The following ULK4 variants were observed in gnomAD, a reference collection of about 807,000 sequenced individuals.
ULK4 encodes inactive serine/threonine-protein kinase ULK4.
Under a neutral mutation model 160.6 loss-of-function variants are expected in ULK4, and 133 were observed. The observed-to-expected ratio is 0.83, with a 90% CI of 0.72 to 0.96. The LOEUF is 0.96. ULK4 is among the 40% of genes least tolerant of loss of function. The pLI, the probability that ULK4 is intolerant of heterozygous loss-of-function variation, is 0.00. For missense variants in ULK4, 1,580 were observed against 1,499.5 expected (o/e 1.05, Z -0.89); for synonymous variants, 534 against 539.8 (o/e 0.99, Z 0.15).
chr3:41,904,697 A>G lies in ULK4; in HGVS notation c.1182+3148T>C, dbSNP rs567686714. Among the ~76,000 whole-genome samples the G allele has an allele frequency of 5.3e-5, 8 of 152,334 alleles. No individual in the cohort carries two copies. In the East Asian group the frequency reaches 1.5e-3, roughly 29 times the overall value. On this transcript the variant is annotated intron_variant, in intron 12 of 36. Transcript: ENST00000301831. ...AAATTTCAAAGCAGAAATAAGCTTC[A>G]CATGGTCCAAATACACTTCACATTA...
intron 29 of ULK4, among the ~76,000 whole-genome samples, chr3:41,664,462 T>C (rs2035288629): frequency 6.6e-6 from 1 of 152,032 alleles, no homozygotes; most frequent in South Asian, 2.1e-4. Context: ...ATGCAGCACG[T>C]GTGTGTGATG....
At chr3:41,620,321 A>T (rs938495739) in intron 30 of ULK4, among the ~76,000 whole-genome samples, 5 of 152,134 alleles carry the variant, frequency 3.3e-5, no homozygotes, top group East Asian at 1.9e-4. Flanking sequence ...AACAACAAAA[A>T]ATTTCAGGTC....
intron 35 of ULK4, among the ~76,000 whole-genome samples, chr3:41,298,290 T>C (rs978873452): frequency 6.6e-6 from 1 of 152,230 alleles, no homozygotes; most frequent in African/African-American, 2.4e-5. Flanking sequence ...AGAGATAACA[T>C]TGGGATTCAA....
Position 41,338,725 on chromosome 3 carries a change from A to ATG in ULK4, c.3678+59352_3678+59353dup, listed in dbSNP as rs577471080. Among the ~76,000 whole-genome samples, 639 of 151,844 alleles carry ATG rather than the reference A, an allele frequency of 4.2e-3. 8 individuals are homozygous for ATG. Among genetic ancestry groups the ATG allele is most frequent in the African/African-American group, 0.014 (593 of 41,378 alleles). ...CTAGTAGGATAATGTGCACATATAT[A>ATG]TGTGTGTGTGTGTATAATACATCTA... On this transcript the variant is annotated intron_variant, in intron 35 of 36. Coordinates refer to ENST00000301831, the MANE Select transcript of ULK4 (RefSeq NM_017886.4).
At position 41,935,833 on chromosome 3, in the gene ULK4, C is replaced by CA. The variant is rs745648760; in HGVS notation, c.345dup (p.Gly116TrpfsTer6). On this transcript the variant is annotated frameshift_variant, in exon 4 of 37. Transcript: ENST00000301831. LOFTEE classifies it high-confidence loss of function. ...GGAGAAATGTCACAAAAGAGAATGCCAAGTTTATGAAGATGATGTAATCCA... is the reference window on the plus strand; with the variant it reads ...GGAGAAATGTCACAAAAGAGAATGCCAAAGTTTATGAAGATGATGTAATCCA... The CA allele has an allele frequency of 6.2e-7, 1 of 1,611,088 alleles. No homozygotes were observed. The highest frequency in any genetic ancestry group is 1.3e-5 in the African/African-American group (1 of 74,770).
rs369524790 is a variant in ULK4, at chr3:41,378,761, C to G, written c.3678+19318G>C. 1.3e-4 allele frequency among the ~76,000 whole-genome samples: 20 copies of G among 150,904 alleles called. No individual in the cohort carries two copies. The East Asian group carries it at 1.8e-3, about 13-fold the overall frequency. Reference sequence around the variant, plus strand: ...AAACCTGCACGTTGTGCACATGTACCCTAGAACTTAAAGTATAATAAATAA... The same window carrying G: ...AAACCTGCACGTTGTGCACATGTACGCTAGAACTTAAAGTATAATAAATAA... On this transcript the variant is annotated intron_variant, in intron 35 of 36. Transcript: ENST00000301831.
intron 32 of ULK4, among the ~76,000 whole-genome samples, chr3:41,474,373 A>G (rs2084079943): frequency 6.6e-6 from 1 of 152,170 alleles, no homozygotes; most frequent in African/African-American, 2.4e-5. Context: ...TGGATTAAAG[A>G]CTCAGACATA....
chr3:41,648,448 A>G (rs1317303498), intron 30 of ULK4, among the ~76,000 whole-genome samples: 2 of 152,252 alleles, frequency 1.3e-5, no homozygotes, highest in Admixed American at 1.3e-4. Context: ...GCCTTAGGAC[A>G]ATGTTAGTCA....
At chr3:41,924,835 C>G (rs1334327749) in intron 5 of ULK4, among the ~76,000 whole-genome samples, 1 of 152,082 alleles carries the variant, frequency 6.6e-6, no homozygotes, top group Non-Finnish European at 1.5e-5. Flanking sequence ...ACATGACTAC[C>G]AAGTCCAAGG....
rs2040424720 is a variant in ULK4 at position 41,800,430 on chromosome 3, A to G, written c.1849-137T>C. The G allele has an allele frequency of 5.3e-6, 4 of 757,014 alleles. No homozygotes were observed. The South Asian group carries it at 7.9e-5, about 15-fold the overall frequency. The allele number at this position is 757,014 out of a possible 1,614,324, so 46.9% of individuals were successfully genotyped here. A position where few individuals can be genotyped will look rare whatever the true frequency, so the allele number is the denominator to read the frequency against. On this transcript the variant is annotated intron_variant, in intron 19 of 36. Transcript: ENST00000301831. ...TGTGTTAGGCAACTTGGGAGGAATG[A>G]TAACTCTTTCAGGTCATTATGAAAC... is the stretch of plus-strand genomic sequence containing the variant.
At chr3:41,268,478 CAAGGCAGA>C (rs993775347) in intron 35 of ULK4, among the ~76,000 whole-genome samples, 7 of 152,074 alleles carry the variant, frequency 4.6e-5, no homozygotes, top group African/African-American at 1.7e-4. Flanking sequence ...CTGGGCTGCC[CAAGGCAGA>C]GAGGTTCTGG....
At position 41,267,038 on chromosome 3, in the gene ULK4, CT is replaced by C. The variant is rs57502036; in HGVS notation, c.3679-17465del. The stretch of plus-strand genomic sequence containing the variant: ...TCTATTGGGGGGGGGGGGTTTAAGG[CT>C]TTTTTTTTTTTTGCTTTTAAGTTCC... On this transcript the variant is annotated intron_variant, in intron 35 of 36. Transcript: ENST00000301831. Among the ~76,000 whole-genome samples the C allele has an allele frequency of 4.2e-3, 420 of 100,258 alleles. 1 individual carries two copies. Among genetic ancestry groups the C allele is most frequent in the Non-Finnish European group, 4.4e-3 (214 of 48,262 alleles). 65.8% of individuals were successfully genotyped at this position (100,258 alleles called of 152,430 possible).
intron 12 of ULK4, among the ~76,000 whole-genome samples, chr3:41,906,388 G>T (rs1387533757): frequency 6.6e-6 from 1 of 152,082 alleles, no homozygotes; most frequent in Non-Finnish European, 1.5e-5. Context: ...ACTTAGCCGG[G>T]TGTGGTGGCA....
chr3:41,960,783 C>A (rs555871867), intron 1 of ULK4, among the ~76,000 whole-genome samples: 1 of 152,146 alleles, frequency 6.6e-6, no homozygotes, highest in Non-Finnish European at 1.5e-5. Flanking sequence ...AAAGCTGTAA[C>A]CTCTTAATTA....
At chr3:41,481,845 AAAG>A (rs2084337047) in intron 32 of ULK4, among the ~76,000 whole-genome samples, 2 of 151,464 alleles carry the variant, frequency 1.3e-5, no homozygotes, top group Non-Finnish European at 2.9e-5. Context: ...AAAAAAAAAA[AAAG>A]AACAAAAGCA....
At chr3:41,800,366 A>C in intron 19 of ULK4, 73 bp from the exon 20 acceptor site, 1 of 1,464,584 alleles carries the variant, frequency 6.8e-7, no homozygotes, top group East Asian at 2.3e-5. Flanking sequence ...GACCATTGTA[A>C]ATAATGTTAT....
intron 17 of ULK4, among the ~76,000 whole-genome samples, chr3:41,843,897 C>T (rs1013494990): frequency 1.3e-5 from 2 of 152,132 alleles, no homozygotes; most frequent in African/African-American, 4.8e-5. Flanking sequence ...CACAAAGGTT[C>T]TCCACGTCCC....
chr3:41,372,208 T>G (rs1347694438), intron 35 of ULK4, among the ~76,000 whole-genome samples: 1 of 152,110 alleles, frequency 6.6e-6, no homozygotes, highest in Non-Finnish European at 1.5e-5. Flanking sequence ...GGAACCAAGT[T>G]GGAAAACACT....
At chr3:41,651,028 T>C (rs1315213622) in intron 30 of ULK4, among the ~76,000 whole-genome samples, 3 of 152,212 alleles carry the variant, frequency 2.0e-5, no homozygotes, top group South Asian at 2.1e-4. Flanking sequence ...TTTAGAGTTA[T>C]TGATGTTCCC....
Sources: gnomAD v4.1 joint callset for allele counts (sites outside exome capture counted in the v4.1 genomes callset) on GRCh38, gnomAD v4.1.1 for gene constraint, MANE v1.5 for transcripts, NCBI Gene and HGNC (gene_info 2026-07-23, HGNC 2026-07-21) for gene names.